Variants in PDZD2 observed in about 807,000 individuals in gnomAD.
The protein encoded by PDZD2 is PDZ domain-containing protein 2.
A neutral mutation model predicts 220.7 loss-of-function variants in PDZD2; 90 were observed. The ratio of observed to expected loss-of-function variants is 0.41; its 90% confidence interval spans 0.34 to 0.49. The LOEUF (loss-of-function observed/expected upper bound fraction) is 0.49, where lower values mean the gene tolerates loss of function less well. PDZD2 is among the 20% of genes least tolerant of loss of function. The pLI is 0.28. For synonymous variants in PDZD2, 1,375 were observed against 1,450.5 expected (o/e 0.95, Z 1.18); for missense variants, 3,174 against 3,608.5 (o/e 0.88, Z 3.08).
chr5:31,990,873 G>A (rs1277754944), intron 3 of PDZD2, among the ~76,000 whole-genome samples: 1 of 152,222 alleles, frequency 6.6e-6, no homozygotes, highest in Non-Finnish European at 1.5e-5. Flanking sequence ...AGTGTCATGG[G>A]CAGGGGGCTG....
At chr5:31,807,003 C>T (rs1027469109) in intron 2 of PDZD2, among the ~76,000 whole-genome samples, 1 of 148,292 alleles carries the variant, frequency 6.7e-6, no homozygotes, top group Non-Finnish European at 1.5e-5. Flanking sequence ...GGCGCGATCT[C>T]GACTCACTGC....
At chr5:31,911,222 T>C (rs1286753692) in intron 2 of PDZD2, among the ~76,000 whole-genome samples, 1 of 152,216 alleles carries the variant, frequency 6.6e-6, no homozygotes, top group Non-Finnish European at 1.5e-5. Flanking sequence ...CAACTGCTGG[T>C]CACTAGGCAC....
chr5:31,928,075 C>G (rs1259630177), intron 2 of PDZD2, among the ~76,000 whole-genome samples: 2 of 152,208 alleles, frequency 1.3e-5, no homozygotes, highest in African/African-American at 4.8e-5. Flanking sequence ...TGAGCTGGGA[C>G]TTCTCTGCAC....
At chr5:31,847,773 C>T (rs1394137938) in intron 2 of PDZD2, 1 of 585,172 alleles carries the variant, frequency 1.7e-6, no homozygotes, top group Non-Finnish European at 3.3e-6. Context: ...TGAATGGAGG[C>T]TTGTCTATCC....
At chr5:32,079,375 G>A (rs1026565751) in intron 19 of PDZD2, among the ~76,000 whole-genome samples, 3 of 151,780 alleles carry the variant, frequency 2.0e-5, no homozygotes, top group African/African-American at 7.3e-5. Context: ...CCCACTTGTC[G>A]AGCTCTGTGG....
chr5:31,944,886 G>A (rs1208114763), intron 2 of PDZD2, among the ~76,000 whole-genome samples: 1 of 152,248 alleles, frequency 6.6e-6, no homozygotes, highest in Non-Finnish European at 1.5e-5. Context: ...CTGCTTGCCT[G>A]TAGCCAATTA....
At chr5:31,658,369 C>G (rs1745631563) in intron 1 of PDZD2, among the ~76,000 whole-genome samples, 1 of 152,230 alleles carries the variant, frequency 6.6e-6, no homozygotes, top group Non-Finnish European at 1.5e-5. Flanking sequence ...AGCCTGCGCT[C>G]TTTCCTTCCT....
At chr5:32,072,079 T>G (rs1052726441) in intron 16 of PDZD2, 82 bp from the exon 17 acceptor site, 3 of 978,862 alleles carry the variant, frequency 3.1e-6, no homozygotes, top group Non-Finnish European at 4.7e-6. Flanking sequence ...CGAAGTGTTC[T>G]TGGAAAGATA....
intron 2 of PDZD2, among the ~76,000 whole-genome samples, chr5:31,877,434 G>A (rs981132612): frequency 1.3e-5 from 2 of 151,904 alleles, no homozygotes; most frequent in Non-Finnish European, 2.9e-5. Flanking sequence ...GCCCAGGCTG[G>A]ACTTGAACTC....
chr5:31,823,075 T>C, intron 2 of PDZD2: 2 of 967,990 alleles, frequency 2.1e-6, no homozygotes, highest in Non-Finnish European at 3.0e-6. Flanking sequence ...TGTGCATCCC[T>C]TTAGAGTAAT....
At chr5:31,739,134 C>T (rs780285615) in intron 1 of PDZD2, among the ~76,000 whole-genome samples, 84 of 152,196 alleles carry the variant, frequency 5.5e-4, no homozygotes, top group Non-Finnish European at 1.0e-3. Flanking sequence ...GATCCACCCA[C>T]CTTGGCCTCC....
intron 1 of PDZD2, among the ~76,000 whole-genome samples, chr5:31,776,093 T>C (rs538580509): frequency 1.3e-5 from 2 of 152,298 alleles, no homozygotes; most frequent in Admixed American, 1.3e-4. Flanking sequence ...CAAGCTCAGA[T>C]TCCTGGAGTG....
At chr5:31,917,574 TAAAG>T (rs1332092399) in intron 2 of PDZD2, among the ~76,000 whole-genome samples, 1 of 152,058 alleles carries the variant, frequency 6.6e-6, no homozygotes, top group African/African-American at 2.4e-5. Context: ...TGTATAGAAA[TAAAG>T]AAATTCTGGA....
At chr5:31,645,056 A>G (rs930205227) in intron 1 of PDZD2, among the ~76,000 whole-genome samples, 3 of 152,178 alleles carry the variant, frequency 2.0e-5, no homozygotes, top group African/African-American at 7.2e-5. Flanking sequence ...TTTTAAGTCT[A>G]AGAAGCAGCC....
chr5:31,733,541 C>T (rs1208880124), intron 1 of PDZD2, among the ~76,000 whole-genome samples: 3 of 152,180 alleles, frequency 2.0e-5, no homozygotes, highest in Non-Finnish European at 4.4e-5. Context: ...CCAAGTCAGA[C>T]AATGAGTCTA....
In PDZD2 at chr5:31,826,187, C is replaced by T. The variant is rs951413021; in HGVS notation, c.476+26463C>T. Among the ~76,000 whole-genome samples, 4 of 152,196 alleles carry T rather than the reference C, an allele frequency of 2.6e-5. No individual in the cohort carries two copies. The East Asian group carries it at 7.7e-4, about 29-fold the overall frequency. On this transcript the variant is annotated intron_variant, in intron 2 of 24. Transcript: ENST00000438447. ...CTTTTATCCATGCCCCCAAGATAAT[C>T]GTGTTGGTTTCATGCCCGGCTGTGG...
rs140208783 is a variant in PDZD2 at position 31,653,986 on chromosome 5, G to A, written c.-361+14549G>A. Among the ~76,000 whole-genome samples the A allele has an allele frequency of 2.8e-3, 421 of 152,170 alleles. 2 individuals are homozygous for A. The highest frequency in any genetic ancestry group is 9.8e-3 in the African/African-American group (406 of 41,506). On this transcript the variant is annotated intron_variant, in intron 1 of 24. Coordinates refer to ENST00000438447, the MANE Select transcript of PDZD2 (RefSeq NM_178140.4). ...TTTTTAGTAGAGACGGGGTTTCACC[G>A]TGTTAGCCAGTATGGTCTCGATCTC... is the stretch of plus-strand genomic sequence containing the variant.
intron 23 of PDZD2, chr5:32,100,793 G>A (rs1223095831): frequency 2.2e-6 from 2 of 920,390 alleles, no homozygotes; most frequent in Non-Finnish European, 3.2e-6. Context: ...GGTGTGGGGG[G>A]CTTAACAAGA....
At chr5:31,743,880 C>T (rs1750421539) in intron 1 of PDZD2, 1 of 152,182 alleles carries the variant, frequency 6.6e-6, no homozygotes, top group Non-Finnish European at 1.5e-5. Flanking sequence ...AATGACTGTG[C>T]ATTTTGAGAG....
Sources: gnomAD v4.1 joint callset for allele counts (sites outside exome capture counted in the v4.1 genomes callset) on GRCh38, gnomAD v4.1.1 for gene constraint, MANE v1.5 for transcripts, NCBI Gene and HGNC (gene_info 2026-07-23, HGNC 2026-07-21) for gene names.